Variants in SNX9 observed in about 807,000 individuals in gnomAD.
SNX9 encodes the protein sorting nexin-9.
Under a neutral mutation model 89.4 loss-of-function variants are expected in SNX9, and 44 were observed. The ratio of observed to expected loss-of-function variants is 0.49; its 90% CI spans 0.39 to 0.63. The LOEUF (loss-of-function observed/expected upper bound fraction) is 0.63, where lower values mean the gene tolerates loss of function less well. SNX9 is among the 30% of genes least tolerant of loss of function. SNX9 has a pLI of 0.00. For missense variants in SNX9, 578 were observed against 736.1 expected (o/e 0.79, Z 2.49); for synonymous variants, 236 against 247.8 (o/e 0.95, Z 0.45).
chr6:157,857,594 C>T (rs530768634), intron 1 of SNX9, among the ~76,000 whole-genome samples: 304 of 150,596 alleles, frequency 2.0e-3, no homozygotes, highest in Middle Eastern at 3.4e-3. Context: ...ATGTTACCTA[C>T]GTTTCTATAT....
At chr6:157,826,657 A>G (rs1202124090) in intron 1 of SNX9, among the ~76,000 whole-genome samples, 1 of 131,756 alleles carries the variant, frequency 7.6e-6, no homozygotes, top group African/African-American at 4.1e-5. Flanking sequence ...AAATATTAAT[A>G]CAAAAGCTGC....
intron 4 of SNX9, among the ~76,000 whole-genome samples, chr6:157,890,412 A>T (rs540089713): frequency 1.3e-5 from 2 of 152,362 alleles, no homozygotes; most frequent in East Asian, 3.9e-4. Flanking sequence ...TCAAGCCTGC[A>T]TAAATATATT....
intron 5 of SNX9, among the ~76,000 whole-genome samples, chr6:157,900,740 A>G (rs1414329712): frequency 1.3e-5 from 2 of 152,232 alleles, no homozygotes; most frequent in Non-Finnish European, 2.9e-5. Flanking sequence ...TAGTGTATGC[A>G]TCAGTAATTT....
chr6:157,937,427 G>A lies in SNX9; in HGVS notation c.1444-7G>A. The A allele has an allele frequency of 1.2e-6, 2 of 1,606,462 alleles. No homozygotes were observed. Among genetic ancestry groups the A allele is most frequent in the Non-Finnish European group, 1.7e-6 (2 of 1,173,572 alleles). On this transcript the variant is annotated splice_region_variant and splice_polypyrimidine_tract_variant and intron_variant, in intron 14 of 17. Transcript: ENST00000392185. ...GCCAGTAACAATCAGCTTGTATCTTGTTATAGCCAAAGAAAGATCTCCATT... is the reference window on the plus strand; with the variant it reads ...GCCAGTAACAATCAGCTTGTATCTTATTATAGCCAAAGAAAGATCTCCATT...
intron 1 of SNX9, among the ~76,000 whole-genome samples, chr6:157,827,616 T>C (rs1781405315): frequency 7.0e-6 from 1 of 143,326 alleles, no homozygotes; most frequent in South Asian, 2.1e-4. Flanking sequence ...TATATAAATA[T>C]ATAATACATT....
chr6:157,873,072 CTT>C (rs572209866), intron 2 of SNX9, 28 bp from the exon 3 acceptor site: 44,709 of 1,236,750 alleles, frequency 0.036, no homozygotes, highest in South Asian at 0.041. Flanking sequence ...TAATCTTTTT[CTT>C]TTTTTTTTTT....
intron 2 of SNX9, among the ~76,000 whole-genome samples, chr6:157,870,169 T>C (rs1782366588): frequency 6.7e-6 from 1 of 149,428 alleles, no homozygotes; most frequent in Admixed American, 6.7e-5. Context: ...CCTGCTCTCA[T>C]GCACACCCAC....
chr6:157,885,805 C>T (rs542093821), intron 4 of SNX9, among the ~76,000 whole-genome samples: 1 of 152,258 alleles, frequency 6.6e-6, no homozygotes, highest in African/African-American at 2.4e-5. Context: ...GGTGGACTTA[C>T]CAGATGGGAT....
chr6:157,854,781 T>G (rs185492880), intron 1 of SNX9, among the ~76,000 whole-genome samples: 4 of 152,316 alleles, frequency 2.6e-5, no homozygotes, highest in Admixed American at 2.6e-4. Flanking sequence ...CTGTTTGCCA[T>G]CTAATCTGCT....
intron 4 of SNX9, among the ~76,000 whole-genome samples, chr6:157,894,535 G>A (rs750988401): frequency 5.1e-4 from 77 of 151,320 alleles, no homozygotes; most frequent in Non-Finnish European, 9.3e-4. Context: ...TGGGGGCAGG[G>A]CTAATAGGTG....
intron 1 of SNX9, among the ~76,000 whole-genome samples, chr6:157,826,944 A>AATATATTATAGTTTATATAATATATAAAT (rs1781371815): frequency 1.7e-5 from 1 of 58,250 alleles, no homozygotes. Flanking sequence ...TAATATATAA[A>AATATATTATAGTTTATATAATATATAAAT]ATATATTATA....
intron 9 of SNX9, among the ~76,000 whole-genome samples, chr6:157,919,325 T>A (rs1042345977): frequency 6.6e-6 from 1 of 152,238 alleles, no homozygotes. Flanking sequence ...TCTCTCTTCT[T>A]CCTCTGGGAT....
At chr6:157,932,143 C>A in intron 12 of SNX9, 52 bp from the exon 13 acceptor site, 1 of 1,488,400 alleles carries the variant, frequency 6.7e-7, no homozygotes, top group South Asian at 1.1e-5. Context: ...ATAGTTTAAT[C>A]CCATTTCAGT....
At chr6:157,840,471 C>T (rs1395142365) in intron 1 of SNX9, among the ~76,000 whole-genome samples, 4 of 115,524 alleles carry the variant, frequency 3.5e-5, no homozygotes, top group African/African-American at 1.4e-4. Flanking sequence ...TTCCTTCTCC[C>T]TTCTCTCTCT....
rs1781290840 is a variant in SNX9, at chr6:157,823,937, C to T, written c.12+491C>T. 6.6e-6 allele frequency among the ~76,000 whole-genome samples: 1 copy of T among 151,950 alleles called. No homozygotes were observed. Among genetic ancestry groups the T allele is most frequent in the Non-Finnish European group, 1.5e-5 (1 of 67,952 alleles). ...CGGAGAGGACGCGGCGCTTCCCGTC[C>T]CGGCCTGCGGGGGCTCGCGGCCGGG... is the stretch of plus-strand genomic sequence containing the variant. On this transcript the variant is annotated intron_variant, in intron 1 of 17. Coordinates refer to ENST00000392185, the MANE Select transcript of SNX9 (RefSeq NM_016224.5). This position sits in a 1 kb window ranked among gnomAD's most constrained non-coding sequence, Gnocchi z 4.6.
chr6:157,935,975 C>A lies in SNX9; in HGVS notation c.1378C>A (p.Leu460Ile). 1.2e-6 allele frequency: 2 copies of A among 1,611,374 alleles called. No individual in the cohort carries two copies. Among genetic ancestry groups the A allele is most frequent in the East Asian group, 4.5e-5 (2 of 44,762 alleles). Reference sequence around the variant, plus strand: ...TTGATCATTTTCAGGTGAAACAGATCTCAATGATGCAATAACAGAAGCAGG... The same window carrying A: ...TTGATCATTTTCAGGTGAAACAGATATCAATGATGCAATAACAGAAGCAGG... ...SSSGYQGETDLNDAITEAGKT... is the reference protein window; with the variant it reads ...SSSGYQGETDINDAITEAGKT... Residue 460 changes from leucine to isoleucine, a missense_variant, in exon 14 of 18, where the codon CTC becomes ATC. Physicochemically the swap from Leu to Ile is conservative, Grantham distance 5. This residue lies in a region of SNX9 where 348 missense variants were observed against 491.4 expected (regional missense o/e 0.71). Coordinates refer to ENST00000392185, the MANE Select transcript of SNX9 (RefSeq NM_016224.5).
intron 1 of SNX9, among the ~76,000 whole-genome samples, chr6:157,850,317 C>T (rs2115120369): frequency 6.6e-6 from 1 of 152,142 alleles, no homozygotes. Flanking sequence ...TGAAGTAGAC[C>T]CGGGGCATGT....
intron 9 of SNX9, among the ~76,000 whole-genome samples, chr6:157,915,637 AAAAAT>A (rs1783445981): frequency 2.0e-5 from 2 of 98,672 alleles, no homozygotes; most frequent in African/African-American, 8.3e-5. Flanking sequence ...AAAAAAAAAA[AAAAAT>A]ATATATATAT....
intron 1 of SNX9, among the ~76,000 whole-genome samples, chr6:157,834,893 T>A (rs1352511221): frequency 6.6e-6 from 1 of 152,182 alleles, no homozygotes; most frequent in African/African-American, 2.4e-5. Context: ...TTGCAACCCC[T>A]AAAAGCTCCA....
Sources: allele counts gnomAD v4.1 joint callset (sites outside exome capture counted in the v4.1 genomes callset), GRCh38; gene constraint gnomAD v4.1.1; regional missense constraint gnomAD v4.1.1; non-coding constraint Gnocchi (gnomAD v3.1); transcripts MANE v1.5; gene names NCBI Gene and HGNC (gene_info 2026-07-23, HGNC 2026-07-21).